FAM83E: variants seen among roughly 807,000 people sequenced by gnomAD.
FAM83E encodes scaffolding CK1 anchoring protein E.
Under a neutral mutation model 34.3 loss-of-function variants are expected in FAM83E, and 29 were observed. The ratio of observed to expected loss-of-function variants is 0.85; its 90% CI spans 0.63 to 1.15. The LOEUF (loss-of-function observed/expected upper bound fraction) is 1.15, where lower values mean the gene tolerates loss of function less well. Among genes scored for constraint, FAM83E ranks in the 50% most tolerant of loss-of-function variants. The pLI is 0.00. For missense variants in FAM83E, 697 were observed against 685.0 expected, an observed-to-expected ratio of 1.02 and a Z score of -0.20; for synonymous variants, 312 against 311.6, an observed-to-expected ratio of 1.00 and a Z score of -0.01.
Position 48,613,060 on chromosome 19 carries a change from A to T in FAM83E, c.313T>A (p.Ser105Thr). 1 of 1,605,484 alleles carries T rather than the reference A, an allele frequency of 6.2e-7. No individual in the cohort carries two copies. Residue 105 changes from serine (S) to threonine (T), a missense_variant, in exon 3 of 7, where the codon TCG becomes ACG. Transcript: ENST00000263266. ...CGCAGGACGGGCGCCGGCTGCTCCG[A>T]CTGCCCAGGCCAGTAGCTCAGGCTG... ...AGSLSYWPGQ[S>T]EQPAPVLRLG...
At chr19:48,607,930 G>T (rs1973965592) in intron 5 of FAM83E, among the ~76,000 whole-genome samples, 1 of 151,534 alleles carries the variant, frequency 6.6e-6, no homozygotes, top group African/African-American at 2.4e-5. Flanking sequence ...CACCAAGCTG[G>T]GAAGGTAAAC....
chr19:48,614,934 T>G lies in FAM83E; in HGVS notation c.-1388+3A>C. ...GGGGGTGCGGCTCACACGCTTTCTT[T>G]ACCTGTGCTCTCCCAGGGGGTGAAC... On this transcript the variant is annotated splice_donor_region_variant and intron_variant, in intron 1 of 6. Coordinates refer to ENST00000263266, the MANE Select transcript of FAM83E (RefSeq NM_017708.4). The G allele has an allele frequency of 3.2e-6, 1 of 316,950 alleles. No individual in the cohort carries two copies. Among genetic ancestry groups the G allele is most frequent in the Non-Finnish European group, 4.6e-6 (1 of 217,814 alleles). The allele number at this position is 316,950 out of a possible 1,614,324, so 19.6% of individuals were successfully genotyped here.
chr19:48,614,272 C>A lies in FAM83E; in HGVS notation c.-900G>T. On this transcript the variant is annotated 5_prime_UTR_variant, in exon 3 of 7. Coordinates refer to ENST00000263266, the MANE Select transcript of FAM83E (RefSeq NM_017708.4). ...TGGGACAGGTCTATGATCTTCACAGCCCATCTAGGTGTGAGTGCCACCTAA... is the reference window on the plus strand; with the variant it reads ...TGGGACAGGTCTATGATCTTCACAGACCATCTAGGTGTGAGTGCCACCTAA... 1.0e-6 allele frequency: 1 copy of A among 985,514 alleles called. No homozygotes were observed. The highest frequency in any genetic ancestry group is 1.2e-6 in the Non-Finnish European group (1 of 830,068). 61.0% of individuals were successfully genotyped at this position (985,514 alleles called of 1,614,324 possible). A position where few individuals can be genotyped will look rare whatever the true frequency, so the allele number is the denominator to read the frequency against.
chr19:48,604,377 C>G (rs961981638), intron 5 of FAM83E, among the ~76,000 whole-genome samples: 1 of 136,334 alleles, frequency 7.3e-6, no homozygotes, highest in Non-Finnish European at 1.5e-5. Context: ...TTTGCCCAGG[C>G]TGGAGTGTAG....
Position 48,613,250 on chromosome 19 carries a change from C to A in FAM83E, c.123G>T (p.Lys41Asn). 6.2e-7 allele frequency: 1 copy of A among 1,610,262 alleles called. No homozygotes were observed. The change falls in exon 3 of 7, where the codon AAG becomes AAT. Residue 41 changes from lysine (K) to asparagine (N), a missense_variant. Coordinates refer to ENST00000263266, the MANE Select transcript of FAM83E (RefSeq NM_017708.4). ...CGCAGGTCTGGAACGCCTCCGCGCC[C>A]TTGCTCAACAGAGCCTCCAGTGCCA... ...QRLALEALLS[K>N]GAEAFQTCVQ...
chr19:48,601,469 C>T lies in FAM83E; in HGVS notation c.1177-100G>A, dbSNP rs534728381. The stretch of plus-strand genomic sequence containing the variant: ...AGGAGGTGAGGCAAGAGAGAAGCAG[C>T]GAAAGTGACAGACGGCCAGGCACGG... On this transcript the variant is annotated intron_variant, in intron 6 of 6. Coordinates refer to ENST00000263266, the MANE Select transcript of FAM83E (RefSeq NM_017708.4). 1.1e-3 allele frequency: 1,690 copies of T among 1,490,488 alleles called. 1 individual carries two copies. Among genetic ancestry groups the T allele is most frequent in the Non-Finnish European group, 1.4e-3 (1,573 of 1,118,488 alleles). The allele number at this position is 1,490,488 out of a possible 1,614,324, so 92.3% of individuals were successfully genotyped here.
At chr19:48,609,794 G>C (rs1974007106) in intron 5 of FAM83E, 82 bp downstream of exon 5, 1 of 1,454,408 alleles carries the variant, frequency 6.9e-7, no homozygotes, top group South Asian at 1.2e-5. Context: ...CTGGGCAAGG[G>C]GATGCCAGCT....
chr19:48,614,294 C>T lies in FAM83E; in HGVS notation c.-922G>A. On this transcript the variant is annotated 5_prime_UTR_variant, in exon 3 of 7. Coordinates refer to ENST00000263266, the MANE Select transcript of FAM83E (RefSeq NM_017708.4). Reference sequence around the variant, plus strand: ...CAGCCCATCTAGGTGTGAGTGCCACCTAACCAGCCACCCTCCTCAGGCTGG... The same window carrying T: ...CAGCCCATCTAGGTGTGAGTGCCACTTAACCAGCCACCCTCCTCAGGCTGG... 1 of 985,684 alleles carries T rather than the reference C, an allele frequency of 1.0e-6. No individual in the cohort carries two copies. 61.1% of individuals were successfully genotyped at this position (985,684 alleles called of 1,614,324 possible).
intron 5 of FAM83E, among the ~76,000 whole-genome samples, chr19:48,607,920 C>T (rs1973965448): frequency 6.6e-6 from 1 of 151,646 alleles, no homozygotes; most frequent in African/African-American, 2.4e-5. Flanking sequence ...TGAATCCTCA[C>T]ACCAAGCTGG....
chr19:48,601,032 G>A lies in FAM83E; in HGVS notation c.*77C>T. The A allele has an allele frequency of 6.6e-7, 1 of 1,514,002 alleles. No homozygotes were observed. The allele number at this position is 1,514,002 out of a possible 1,614,324, so 93.8% of individuals were successfully genotyped here. A position where few individuals can be genotyped will look rare whatever the true frequency, so the allele number is the denominator to read the frequency against. On this transcript the variant is annotated 3_prime_UTR_variant, in exon 7 of 7. Transcript: ENST00000263266. The stretch of plus-strand genomic sequence containing the variant: ...GAAGCCTTGTCCAAGGCAGGGCATT[G>A]AGGCAGAGGGCTCTGAGCCGACAGT...
chr19:48,600,750 C>T lies in FAM83E; in HGVS notation c.*359G>A, dbSNP rs1313464077. On this transcript the variant is annotated 3_prime_UTR_variant, in exon 7 of 7. Transcript: ENST00000263266. ...CACTGCTGCCTCCACCTCCTGAGCT[C>T]AAGGGATCCTCCCACCTCAGCCTCC... 4.4e-5 allele frequency: 8 copies of T among 180,902 alleles called. No homozygotes were observed. The East Asian group carries it at 9.1e-4, about 21-fold the overall frequency. The allele number at this position is 180,902 out of a possible 1,614,324, so 11.2% of individuals were successfully genotyped here.
At chr19:48,606,834 C>A in intron 5 of FAM83E, 1 of 1,019,568 alleles carries the variant, frequency 9.8e-7, no homozygotes, top group Non-Finnish European at 1.4e-6. Flanking sequence ...ACAGAGGACA[C>A]TCCAGGCGCT....
intron 5 of FAM83E, among the ~76,000 whole-genome samples, chr19:48,609,066 CCCTATCAGCCCATGACAT>C (rs1973988636): frequency 6.6e-6 from 1 of 151,932 alleles, no homozygotes; most frequent in Admixed American, 6.6e-5. Flanking sequence ...GAGGCTCTAA[CCCTATCAGCCCATGACAT>C]AGAGGGGGAA....
rs998110521 is a variant in FAM83E, at chr19:48,601,036, C to G, written c.*73G>C. 1 of 1,521,636 alleles carries G rather than the reference C, an allele frequency of 6.6e-7. No homozygotes were observed. Among genetic ancestry groups the G allele is most frequent in the Admixed American group, 2.1e-5 (1 of 47,380 alleles). The allele number at this position is 1,521,636 out of a possible 1,614,324, so 94.3% of individuals were successfully genotyped here. ...CCTTGTCCAAGGCAGGGCATTGAGG[C>G]AGAGGGCTCTGAGCCGACAGTTGTC... On this transcript the variant is annotated 3_prime_UTR_variant, in exon 7 of 7. Coordinates refer to ENST00000263266, the MANE Select transcript of FAM83E (RefSeq NM_017708.4).
intron 5 of FAM83E, among the ~76,000 whole-genome samples, chr19:48,609,265 C>CTTTTTTTTTTTTTTTTT (rs869031073): frequency 1.7e-4 from 17 of 99,692 alleles, no homozygotes; most frequent in Admixed American, 4.0e-4. Flanking sequence ...TTCTTTCTTT[C>CTTTTTTTTTTTTTTTTT]TTTTTTTTTT....
At chr19:48,605,392 G>A (rs1364267011) in intron 5 of FAM83E, among the ~76,000 whole-genome samples, 1 of 152,056 alleles carries the variant, frequency 6.6e-6, no homozygotes, top group Non-Finnish European at 1.5e-5. Context: ...GGGCAACATA[G>A]CAAGACCCCA....
intron 3 of FAM83E, among the ~76,000 whole-genome samples, chr19:48,612,406 CTTT>C (rs922905255): frequency 7.1e-6 from 1 of 140,628 alleles, no homozygotes; most frequent in Non-Finnish European, 1.6e-5. Flanking sequence ...CCATTTCTTT[CTTT>C]TTTTTTTTTT....
intron 5 of FAM83E, among the ~76,000 whole-genome samples, chr19:48,605,007 G>A (rs187728472): frequency 9.3e-5 from 12 of 129,358 alleles, no homozygotes; most frequent in East Asian, 4.5e-4. Flanking sequence ...GCGACAGAGC[G>A]AGACTCTGAC....
intron 6 of FAM83E, among the ~76,000 whole-genome samples, chr19:48,602,546 G>A (rs1973837110): frequency 6.6e-6 from 1 of 150,622 alleles, no homozygotes; most frequent in Non-Finnish European, 1.5e-5. Context: ...GATGCTGGGT[G>A]AGGGTGCTCA....
Sources: gnomAD v4.1 joint callset for allele counts (sites outside exome capture counted in the v4.1 genomes callset) on GRCh38, gnomAD v4.1.1 for gene constraint, MANE v1.5 for transcripts, NCBI Gene and HGNC (gene_info 2026-07-23, HGNC 2026-07-21) for gene names.